The following NTRK3 variants were observed in gnomAD, a reference collection of about 807,000 sequenced individuals.
NTRK3 encodes the protein NT-3 growth factor receptor.
NTRK3 carries 24 observed loss-of-function variants against 91.7 expected under a neutral mutation model. The ratio of observed to expected loss-of-function variants is 0.26; its 90% confidence interval spans 0.19 to 0.37. NTRK3 has a LOEUF of 0.37. NTRK3 is among the 10% of genes least tolerant of loss of function. The pLI is 1.00. For synonymous variants in NTRK3, 483 were observed against 404.0 expected (o/e 1.20, Z -2.34); for missense variants, 880 against 1,068.9 (o/e 0.82, Z 2.46).
At chr15:87,980,651 T>A (rs560244389) in intron 14 of NTRK3, among the ~76,000 whole-genome samples, 1 of 152,256 alleles carries the variant, frequency 6.6e-6, no homozygotes, top group South Asian at 2.1e-4. Context: ...ATTGGGAATA[T>A]GATGGGAAAA....
chr15:88,091,013 C>T (rs760480702), intron 13 of NTRK3, among the ~76,000 whole-genome samples: 14 of 152,192 alleles, frequency 9.2e-5, no homozygotes, highest in Non-Finnish European at 1.3e-4. Flanking sequence ...TTGCTGATTT[C>T]TAAATCTAAT....
intron 13 of NTRK3, among the ~76,000 whole-genome samples, chr15:88,075,356 G>C (rs745372877): frequency 5.9e-5 from 9 of 152,206 alleles, no homozygotes; most frequent in Admixed American, 2.6e-4. Flanking sequence ...GCCTTCACCA[G>C]TATGACTGTC....
intron 13 of NTRK3, among the ~76,000 whole-genome samples, chr15:88,053,381 C>T (rs1325448462): frequency 1.3e-5 from 2 of 152,196 alleles, no homozygotes; most frequent in African/African-American, 4.8e-5. Flanking sequence ...GGTTTGGCTA[C>T]AGTGGACTTA....
At chr15:88,132,151 A>C (rs961526234) in intron 10 of NTRK3, 24 of 179,426 alleles carry the variant, frequency 1.3e-4, no homozygotes, top group Non-Finnish European at 2.6e-4. Flanking sequence ...ACGTGGTTCC[A>C]TGACAACTAG....
intron 5 of NTRK3, among the ~76,000 whole-genome samples, chr15:88,156,288 G>A (rs1336959496): frequency 6.6e-6 from 1 of 152,168 alleles, no homozygotes; most frequent in East Asian, 1.9e-4. Flanking sequence ...TGCTGAGGAG[G>A]TGGAGAAGGA....
At chr15:87,962,244 C>A (rs2072369581) in intron 14 of NTRK3, among the ~76,000 whole-genome samples, 1 of 152,202 alleles carries the variant, frequency 6.6e-6, no homozygotes, top group African/African-American at 2.4e-5. Context: ...GCTCTTTCTG[C>A]ATCATCTGCT....
At chr15:87,966,782 G>T (rs959268330) in intron 14 of NTRK3, among the ~76,000 whole-genome samples, 13 of 146,270 alleles carry the variant, frequency 8.9e-5, no homozygotes, top group African/African-American at 2.9e-4. Context: ...CCTTCTCATG[G>T]CCCTAGGACT....
At chr15:88,172,825 C>T (rs532062940) in intron 5 of NTRK3, among the ~76,000 whole-genome samples, 1 of 152,212 alleles carries the variant, frequency 6.6e-6, no homozygotes, top group East Asian at 1.9e-4. Flanking sequence ...GTCTGGAGGA[C>T]AGACACAAGC....
intron 14 of NTRK3, among the ~76,000 whole-genome samples, chr15:87,974,104 T>A (rs984585714): frequency 1.8e-4 from 28 of 152,260 alleles, no homozygotes; most frequent in Admixed American, 1.8e-3. Context: ...GATCCTTTGC[T>A]CATGCCTGGT....
At chr15:88,213,058 T>C (rs536497516) in intron 3 of NTRK3, among the ~76,000 whole-genome samples, 2 of 152,346 alleles carry the variant, frequency 1.3e-5, no homozygotes, top group Admixed American at 1.3e-4. Flanking sequence ...TAAGCCATAG[T>C]AAAAATGTGC....
chr15:88,166,700 G>A (rs979600662), intron 5 of NTRK3, among the ~76,000 whole-genome samples: 1 of 152,142 alleles, frequency 6.6e-6, no homozygotes, highest in East Asian at 1.9e-4. Context: ...GAGGTGACCT[G>A]GTCTTTATAT....
intron 14 of NTRK3, among the ~76,000 whole-genome samples, chr15:88,002,491 A>T (rs1296168280): frequency 6.6e-6 from 1 of 152,086 alleles, no homozygotes; most frequent in Non-Finnish European, 1.5e-5. Flanking sequence ...CAATTAATAT[A>T]TCTAACTAAC....
intron 3 of NTRK3, among the ~76,000 whole-genome samples, chr15:88,215,470 T>G (rs2049684494): frequency 6.6e-6 from 1 of 152,196 alleles, no homozygotes; most frequent in South Asian, 2.1e-4. Context: ...CCCTGAAACG[T>G]TCCGTGCTAG....
chr15:87,950,280 G>A (rs1353308919), intron 14 of NTRK3, among the ~76,000 whole-genome samples: 1 of 152,212 alleles, frequency 6.6e-6, no homozygotes, highest in East Asian at 1.9e-4. Context: ...ACCACAGGGT[G>A]AACCGTAGAA....
At chr15:87,882,429 CAAA>C (rs1002166895) in intron 17 of NTRK3, among the ~76,000 whole-genome samples, 18 of 152,000 alleles carry the variant, frequency 1.2e-4, no homozygotes, top group African/African-American at 3.9e-4. Flanking sequence ...AAATAAGCCA[CAAA>C]AATGCAATTT....
exon 19 of NTRK3, chr15:87,876,935 C>T (rs2141434459): frequency 6.2e-7 from 1 of 1,613,880 alleles, no homozygotes; most frequent in Non-Finnish European, 8.5e-7. Flanking sequence ...CCAGCCACCA[C>T]TAGCCAAGAA....
At chr15:87,929,515 C>A (rs2141918899) in intron 16 of NTRK3, 81 bp from the exon 17 acceptor site, 1 of 1,528,434 alleles carries the variant, frequency 6.5e-7, no homozygotes, top group Non-Finnish European at 8.9e-7. Context: ...TCCCTGCCCT[C>A]TGGAATGCCC....
intron 5 of NTRK3, among the ~76,000 whole-genome samples, chr15:88,181,771 C>T (rs1387153147): frequency 2.0e-5 from 3 of 152,336 alleles, no homozygotes; most frequent in Middle Eastern, 3.4e-3. Context: ...TCTGACCACA[C>T]CAGGCCCCAC....
intron 3 of NTRK3, among the ~76,000 whole-genome samples, chr15:88,227,746 G>A (rs1032250608): frequency 6.6e-5 from 10 of 152,038 alleles, no homozygotes; most frequent in Non-Finnish European, 1.5e-4. Flanking sequence ...AACACTCACT[G>A]CCCGTTCCTC....
Sources: gnomAD v4.1 joint callset for allele counts (sites outside exome capture counted in the v4.1 genomes callset) on GRCh38, gnomAD v4.1.1 for gene constraint, MANE v1.5 for transcripts, NCBI Gene and HGNC (gene_info 2026-07-23, HGNC 2026-07-21) for gene names.